Variants in TRMT11 observed in about 807,000 individuals in gnomAD.
TRMT11 encodes the protein tRNA methyltransferase 11.
TRMT11 carries 53 observed loss-of-function variants against 62.8 expected under a neutral mutation model. That is an observed-to-expected ratio of 0.84 (90% confidence interval 0.68 to 1.06). The LOEUF is 1.06. Ranked by LOEUF, TRMT11 falls within the 50% of genes least tolerant of loss-of-function variation. TRMT11 has a pLI of 0.00. For synonymous variants in TRMT11, 188 were observed against 190.3 expected, an observed-to-expected ratio of 0.99 and a Z score of 0.10; for missense variants, 556 against 553.4, an observed-to-expected ratio of 1.00 and a Z score of -0.05.
chr6:126,224,025 C>T, the TRMT11 span, among the ~76,000 whole-genome samples: 20 of 152,278 alleles, frequency 1.3e-4, 1 homozygote, highest in South Asian at 6.2e-4. Flanking sequence ...ATGGCTATTT[C>T]ATCTTTCAGT....
At chr6:126,163,909 C>G (rs971904821) in intron 21 of TRMT11, among the ~76,000 whole-genome samples, 3 of 152,106 alleles carry the variant, frequency 2.0e-5, no homozygotes, top group African/African-American at 7.2e-5. Flanking sequence ...TTTTGTTAAT[C>G]TTTTCAAAAA....
At chr6:126,035,362 GC>G (rs1774999361) in intron 12 of TRMT11, among the ~76,000 whole-genome samples, 1 of 152,102 alleles carries the variant, frequency 6.6e-6, no homozygotes, top group Admixed American at 6.5e-5. Flanking sequence ...CAGATCTCTG[GC>G]TGTGTAAGGG....
Position 125,993,767 on chromosome 6 carries a change from C to T in TRMT11, c.83C>T (p.Ser28Phe), listed in dbSNP as rs1241674949. 3 of 1,606,908 alleles carry T rather than the reference C, an allele frequency of 1.9e-6. No individual in the cohort carries two copies. Among genetic ancestry groups the T allele is most frequent in the Non-Finnish European group, 2.6e-6 (3 of 1,174,666 alleles). ...HLEFRLPEIK[S>F]LLLLFGGQFA... is the part of the protein sequence containing the mutation. Reference sequence around the variant, plus strand: ...ATATTTTCAATACAGGAAATAAAGTCTTTGCTTTTGCTTTTTGGAGGTCAG... The same window carrying T: ...ATATTTTCAATACAGGAAATAAAGTTTTTGCTTTTGCTTTTTGGAGGTCAG... Residue 28 changes from serine (S) to phenylalanine (F), a missense_variant, in exon 2 of 13, where the codon TCT becomes TTT. Physicochemically the swap from Ser to Phe is radical, Grantham distance 155 (BLOSUM62 -2). Coordinates refer to ENST00000334379, the MANE Select transcript of TRMT11 (RefSeq NM_001031712.3).
At chr6:126,229,968 A>G in the TRMT11 span, among the ~76,000 whole-genome samples, 1 of 152,170 alleles carries the variant, frequency 6.6e-6, no homozygotes, top group Non-Finnish European at 1.5e-5. Context: ...TGTCTTCTTG[A>G]CAGATATAAG....
At chr6:126,229,041 A>G in the TRMT11 span, among the ~76,000 whole-genome samples, 4 of 152,234 alleles carry the variant, frequency 2.6e-5, no homozygotes. Flanking sequence ...TGATTTCTAA[A>G]TTAGATACTC....
chr6:126,026,394 AT>A (rs566248407), intron 12 of TRMT11, among the ~76,000 whole-genome samples: 8 of 149,160 alleles, frequency 5.4e-5, no homozygotes, highest in East Asian at 1.9e-4. Flanking sequence ...TTTTTTTTTA[AT>A]TTTTTTTTTG....
intron 12 of TRMT11, among the ~76,000 whole-genome samples, chr6:126,032,289 C>G (rs1774346682): frequency 6.6e-6 from 1 of 152,170 alleles, no homozygotes; most frequent in Admixed American, 6.5e-5. Context: ...TAAATCTCAT[C>G]AATGGCTTTC....
chr6:126,246,375 GTTAA>G, the TRMT11 span, among the ~76,000 whole-genome samples: 2 of 152,312 alleles, frequency 1.3e-5, no homozygotes, highest in African/African-American at 2.4e-5. Flanking sequence ...GCTCTCACTA[GTTAA>G]TTAGTTAATT....
At position 125,998,493 on chromosome 6, in the gene TRMT11, C is replaced by T. The variant is rs376407840; in HGVS notation, c.388-57C>T. The T allele has an allele frequency of 4.8e-5, 74 of 1,538,664 alleles. No homozygotes were observed. In the South Asian group the frequency reaches 6.2e-4, roughly 13 times the overall value. On this transcript the variant is annotated intron_variant, in intron 5 of 12. Transcript: ENST00000334379. ...TTACAAGGTAATGTTATTAGATAAG[C>T]GCCATTTTTCATTGTAAATTATTAT...
the TRMT11 span, among the ~76,000 whole-genome samples, chr6:126,247,041 A>G: frequency 6.6e-6 from 1 of 152,202 alleles, no homozygotes; most frequent in Admixed American, 6.5e-5. Context: ...TAAGACTTCC[A>G]GCTTTTGAAG....
Position 126,013,055 on chromosome 6 carries a change from GT to G in TRMT11, c.1097del (p.Leu366Ter). On this transcript the variant is annotated frameshift_variant, in exon 11 of 13. Coordinates refer to ENST00000334379, the MANE Select transcript of TRMT11 (RefSeq NM_001031712.3). LOFTEE classifies it high-confidence loss of function. ...DLLNFAAETL[V>X]LGGRLVYWLP... ...GTTAAACTTCGCAGCTGAGACCCTC[GT>G]TTTAGGTGGAAGACTAGTCTATTGG... 1 of 1,613,674 alleles carries G rather than the reference GT, an allele frequency of 6.2e-7. No homozygotes were observed.
In TRMT11 at chr6:126,151,821, T is replaced by TCTTTAGTTTC. The variant is rs1554242221; in HGVS notation, c.*1824-23000_*1824-22999insAGTTTCCTTT. 2.6e-3 allele frequency among the ~76,000 whole-genome samples: 322 copies of TCTTTAGTTTC among 125,464 alleles called. 9 individuals carry two copies. The highest frequency in any genetic ancestry group is 3.5e-3 in the African/African-American group (111 of 31,896). The allele number at this position is 125,464 out of a possible 152,430, so 82.3% of individuals were successfully genotyped here. A position where few individuals can be genotyped will look rare whatever the true frequency, so the allele number is the denominator to read the frequency against. On this transcript the variant is annotated intron_variant and NMD_transcript_variant, in intron 21 of 22. Transcript: ENST00000648977. ...CCTCTCTGTCTTTTCTTTCTTTCTT[T>TCTTTAGTTTC]CTTTCTTTCTTTCTTTCTTTCTTTC...
At chr6:126,150,047 GA>G (rs1018384306) in intron 21 of TRMT11, among the ~76,000 whole-genome samples, 1 of 152,168 alleles carries the variant, frequency 6.6e-6, no homozygotes, top group African/African-American at 2.4e-5. Context: ...GCGGTATTGA[GA>G]GGTGAGGCCT....
chr6:126,028,309 A>G (rs1773566150), intron 12 of TRMT11, among the ~76,000 whole-genome samples: 1 of 152,206 alleles, frequency 6.6e-6, no homozygotes, highest in African/African-American at 2.4e-5. Flanking sequence ...AAAACAAGGC[A>G]TGGTGACACT....
At chr6:125,997,218 C>T (rs985960286) in intron 3 of TRMT11, among the ~76,000 whole-genome samples, 13 of 152,046 alleles carry the variant, frequency 8.6e-5, no homozygotes, top group Admixed American at 2.0e-4. Context: ...TTGTAGAAGC[C>T]TTTTCTCTGT....
chr6:126,258,626 C>T, the TRMT11 span, among the ~76,000 whole-genome samples: 1 of 152,208 alleles, frequency 6.6e-6, no homozygotes, highest in African/African-American at 2.4e-5. Flanking sequence ...AATCCAGGAA[C>T]TTATCCATTT....
At chr6:126,148,213 A>G (rs942156735) in intron 21 of TRMT11, among the ~76,000 whole-genome samples, 1 of 152,204 alleles carries the variant, frequency 6.6e-6, no homozygotes, top group Non-Finnish European at 1.5e-5. Context: ...CTGGCTAGCC[A>G]GGCCACAGGT....
intron 1 of TRMT11, among the ~76,000 whole-genome samples, chr6:126,179,421 A>C (rs1439500042): frequency 6.6e-6 from 1 of 152,194 alleles, no homozygotes; most frequent in Non-Finnish European, 1.5e-5. Flanking sequence ...GTTTGAACCC[A>C]TCAGAGTACT....
chr6:126,141,479 A>G (rs1187927084), intron 21 of TRMT11, among the ~76,000 whole-genome samples: 1 of 152,180 alleles, frequency 6.6e-6, no homozygotes, highest in Non-Finnish European at 1.5e-5. Flanking sequence ...GCATGAATAT[A>G]TAGGTTGTAC....
Sources: gnomAD v4.1 joint callset for allele counts (sites outside exome capture counted in the v4.1 genomes callset) on GRCh38, gnomAD v4.1.1 for gene constraint, MANE v1.5 for transcripts, NCBI Gene and HGNC (gene_info 2026-07-23, HGNC 2026-07-21) for gene names.